PAQR5: variants seen among roughly 807,000 people sequenced by gnomAD.
PAQR5 encodes the protein membrane progestin receptor gamma.
In PAQR5, 20 loss-of-function variants were observed where a neutral mutation model predicts 34.5. The observed-to-expected ratio is 0.58, with a 90% CI of 0.41 to 0.84. The LOEUF (loss-of-function observed/expected upper bound fraction) is 0.84. Among genes scored for constraint, PAQR5 ranks in the 40% least tolerant of loss-of-function variants. The probability of loss-of-function intolerance (pLI) is 0.00; values close to 1 mark genes in which losing one functional copy is unlikely to be tolerated. For missense variants in PAQR5, 378 were observed against 412.7 expected (o/e 0.92, Z 0.73); for synonymous variants, 131 against 155.6 (o/e 0.84, Z 1.18).
intron 1 of PAQR5, among the ~76,000 whole-genome samples, chr15:69,325,353 T>G (rs2054224862): frequency 6.6e-6 from 1 of 152,164 alleles, no homozygotes. Context: ...CACCCTGGAA[T>G]GTTTGTTTCT....
chr15:69,302,207 G>A (rs893601650), intron 1 of PAQR5, among the ~76,000 whole-genome samples: 1 of 151,928 alleles, frequency 6.6e-6, no homozygotes, highest in Admixed American at 6.5e-5. Context: ...TTAGTAGCTG[G>A]GACTATAGGC....
intron 1 of PAQR5, among the ~76,000 whole-genome samples, chr15:69,308,767 A>G (rs2053770282): frequency 1.3e-5 from 2 of 152,102 alleles, no homozygotes; most frequent in African/African-American, 4.8e-5. Context: ...AGGTTCCAGC[A>G]AGTGCAAAGG....
intron 3 of PAQR5, among the ~76,000 whole-genome samples, chr15:69,371,332 T>C (rs1488835517): frequency 6.6e-6 from 1 of 152,168 alleles, no homozygotes; most frequent in Non-Finnish European, 1.5e-5. Context: ...ATTATAAATT[T>C]TTCATATGAA....
chr15:69,340,581 A>C (rs956941303), intron 2 of PAQR5, among the ~76,000 whole-genome samples: 9 of 152,172 alleles, frequency 5.9e-5, no homozygotes, highest in Non-Finnish European at 1.3e-4. Context: ...TCAGCTGATG[A>C]GTGACCTCAG....
intron 1 of PAQR5, among the ~76,000 whole-genome samples, chr15:69,324,140 A>AG (rs1555413964): frequency 2.0e-5 from 3 of 151,314 alleles, no homozygotes; most frequent in Non-Finnish European, 2.9e-5. Flanking sequence ...AAAAAAAAAA[A>AG]AAAAGAAAAA....
At chr15:69,334,974 G>A (rs1361279173) in intron 1 of PAQR5, among the ~76,000 whole-genome samples, 1 of 152,060 alleles carries the variant, frequency 6.6e-6, no homozygotes, top group East Asian at 2.0e-4. Flanking sequence ...TGTAATCCCA[G>A]CATTTTGGGA....
intron 3 of PAQR5, among the ~76,000 whole-genome samples, chr15:69,370,830 C>A (rs1240323916): frequency 2.6e-5 from 4 of 152,078 alleles, no homozygotes; most frequent in Non-Finnish European, 5.9e-5. Flanking sequence ...CTGACAAATG[C>A]CCCTTTATAA....
At position 69,300,574 on chromosome 15, in the gene PAQR5, TTTCTTTCTTTCTTTCC is replaced by T. The variant is rs1296819554; in HGVS notation, c.-277+1534_-277+1549del. ...TCCCGTATGCTTTTCTTTCTTTCTC[TTTCTTTCTTTCTTTCC>T]TTCTTTCTTTCTTTCTTTCTTTCTT... On this transcript the variant is annotated intron_variant, in intron 1 of 8. Coordinates refer to ENST00000395407, the MANE Select transcript of PAQR5 (RefSeq NM_017705.4). Among the ~76,000 whole-genome samples, 207 of 83,872 alleles carry T rather than the reference TTTCTTTCTTTCTTTCC, an allele frequency of 2.5e-3. 5 individuals carry two copies. The highest frequency in any genetic ancestry group is 7.5e-3 in the Middle Eastern group (1 of 134). The allele number at this position is 83,872 out of a possible 152,430, so 55.0% of individuals were successfully genotyped here.
intron 1 of PAQR5, among the ~76,000 whole-genome samples, chr15:69,315,421 C>A (rs149608439): frequency 7.2e-5 from 11 of 152,210 alleles, no homozygotes; most frequent in Non-Finnish European, 1.3e-4. Context: ...AGCATGTCTT[C>A]GCGTTTTCCA....
chr15:69,384,935 C>T, intron 5 of PAQR5, 53 bp downstream of exon 5: 2 of 1,398,250 alleles, frequency 1.4e-6, no homozygotes, highest in Non-Finnish European at 2.0e-6. Flanking sequence ...GCTGTTTGCC[C>T]CTTCTCCTGT....
intron 3 of PAQR5, among the ~76,000 whole-genome samples, chr15:69,361,389 G>A (rs1187282570): frequency 6.6e-6 from 1 of 152,200 alleles, no homozygotes; most frequent in East Asian, 1.9e-4. Context: ...TTTCTAAAGT[G>A]GGTTAGGGTC....
At chr15:69,319,765 C>T (rs2054051043) in intron 1 of PAQR5, among the ~76,000 whole-genome samples, 1 of 152,144 alleles carries the variant, frequency 6.6e-6, no homozygotes, top group Non-Finnish European at 1.5e-5. Flanking sequence ...CGGGTGCTTG[C>T]CTCTGTGGGT....
chr15:69,378,710 C>T (rs535540088), intron 3 of PAQR5, among the ~76,000 whole-genome samples: 13 of 152,220 alleles, frequency 8.5e-5, no homozygotes, highest in East Asian at 5.8e-4. Flanking sequence ...TTATAATTTA[C>T]GTTTCAAAGG....
intron 1 of PAQR5, among the ~76,000 whole-genome samples, chr15:69,334,701 AC>A (rs2054470728): frequency 6.6e-6 from 1 of 152,222 alleles, no homozygotes; most frequent in Non-Finnish European, 1.5e-5. Flanking sequence ...AATGCGTTTT[AC>A]ATACTAGGTG....
intron 8 of PAQR5, among the ~76,000 whole-genome samples, chr15:69,403,246 A>G (rs2056690566): frequency 6.6e-6 from 1 of 152,252 alleles, no homozygotes; most frequent in South Asian, 2.1e-4. Flanking sequence ...AAATAAATTT[A>G]TTAAGGTATA....
chr15:69,327,922 G>T (rs555125533), intron 1 of PAQR5, among the ~76,000 whole-genome samples: 1 of 152,188 alleles, frequency 6.6e-6, no homozygotes, highest in East Asian at 1.9e-4. Flanking sequence ...GGGATTACAG[G>T]CTCCTGCCAC....
chr15:69,368,952 A>G (rs974956859), intron 3 of PAQR5, among the ~76,000 whole-genome samples: 1 of 152,020 alleles, frequency 6.6e-6, no homozygotes, highest in African/African-American at 2.4e-5. Flanking sequence ...AAAATTTTGT[A>G]GAGATGAGGG....
chr15:69,317,768 G>A (rs1433998929), intron 1 of PAQR5, among the ~76,000 whole-genome samples: 4 of 152,108 alleles, frequency 2.6e-5, no homozygotes, highest in Middle Eastern at 6.8e-3. Flanking sequence ...CTTTCTCCAC[G>A]TGCCCACCCT....
intron 1 of PAQR5, among the ~76,000 whole-genome samples, chr15:69,330,643 C>A (rs574053784): frequency 2.6e-5 from 4 of 152,148 alleles, no homozygotes; most frequent in African/African-American, 9.7e-5. Context: ...ATGATTTCAT[C>A]CCTGACCAGC....
Sources: gnomAD v4.1 joint callset for allele counts (sites outside exome capture counted in the v4.1 genomes callset) on GRCh38, gnomAD v4.1.1 for gene constraint, MANE v1.5 for transcripts, NCBI Gene and HGNC (gene_info 2026-07-23, HGNC 2026-07-21) for gene names.